The following ZFYVE16 variants were observed in gnomAD, a reference collection of about 807,000 sequenced individuals.
ZFYVE16 encodes zinc finger FYVE-type containing 16, also known as zinc finger FYVE domain-containing protein 16.
ZFYVE16 carries 89 observed loss-of-function variants against 138.1 expected under a neutral mutation model. The ratio of observed to expected loss-of-function variants is 0.64; its 90% CI spans 0.54 to 0.77. ZFYVE16 has a LOEUF of 0.77. Among genes scored for constraint, ZFYVE16 ranks in the 30% least tolerant of loss-of-function variants. The probability of loss-of-function intolerance (pLI) is 0.00; values close to 1 mark genes in which losing one functional copy is unlikely to be tolerated. For missense variants in ZFYVE16, 1,793 were observed against 1,786.7 expected (o/e 1.00, Z -0.06); for synonymous variants, 596 against 618.3 (o/e 0.96, Z 0.53).
chr5:80,439,015 A>T lies in ZFYVE16; in HGVS notation c.2322+8A>T. ...TGCCGAGCATGTGGGAAAGTAAGTTATAAAAATCTTTTAAGTCTTTTGTTC... is the reference window on the plus strand; with the variant it reads ...TGCCGAGCATGTGGGAAAGTAAGTTTTAAAAATCTTTTAAGTCTTTTGTTC... On this transcript the variant is annotated splice_region_variant and intron_variant, in intron 4 of 18. Transcript: ENST00000505560. The T allele has an allele frequency of 1.3e-6, 2 of 1,592,936 alleles. No individual in the cohort carries two copies. The highest frequency in any genetic ancestry group is 2.3e-5 in the South Asian group (2 of 88,134).
intron 1 of ZFYVE16, among the ~76,000 whole-genome samples, chr5:80,414,767 T>C (rs138144188): frequency 0.01 from 1,542 of 152,158 alleles, 26 homozygotes; most frequent in African/African-American, 0.034. Flanking sequence ...TACAAAACAT[T>C]GGGAGTTTGT....
intron 11 of ZFYVE16, chr5:80,452,397 G>T (rs1389984705): frequency 8.1e-6 from 1 of 123,456 alleles, no homozygotes; most frequent in Non-Finnish European, 1.6e-5. Context: ...TCATGCCTCT[G>T]CATTCCAGCC....
rs897371579 is a variant in ZFYVE16 at position 80,480,622 on chromosome 5, C to A, written c.*3245C>A. 6.6e-6 allele frequency among the ~76,000 whole-genome samples: 1 copy of A among 152,076 alleles called. No individual in the cohort carries two copies. Among genetic ancestry groups the A allele is most frequent in the African/African-American group, 2.4e-5 (1 of 41,410 alleles). ...TCCCAAACAGAATAAACTAGAAAAT[C>A]CACACATAGACACATAATAAGGCCA... On this transcript the variant is annotated 3_prime_UTR_variant, in exon 19 of 19. Coordinates refer to ENST00000505560, the MANE Select transcript of ZFYVE16 (RefSeq NM_001284236.3).
At chr5:80,426,218 G>A (rs1368868394) in intron 1 of ZFYVE16, among the ~76,000 whole-genome samples, 1 of 145,010 alleles carries the variant, frequency 6.9e-6, no homozygotes, top group Admixed American at 7.1e-5. Context: ...GTGTGTGTGT[G>A]TGTGTGTGTG....
intron 1 of ZFYVE16, among the ~76,000 whole-genome samples, chr5:80,422,890 G>T (rs1477243449): frequency 6.6e-6 from 1 of 152,180 alleles, no homozygotes; most frequent in Non-Finnish European, 1.5e-5. Flanking sequence ...TGGTCATGAT[G>T]TATAATTTTT....
chr5:80,439,223 A>G (rs746709064), intron 4 of ZFYVE16, among the ~76,000 whole-genome samples: 24 of 152,224 alleles, frequency 1.6e-4, no homozygotes, highest in Non-Finnish European at 2.9e-4. Flanking sequence ...CATTAAGTAC[A>G]TGCTGGGAAA....
intron 4 of ZFYVE16, 67 bp downstream of exon 4, chr5:80,439,074 G>A: frequency 1.4e-6 from 2 of 1,430,562 alleles, no homozygotes; most frequent in Non-Finnish European, 1.9e-6. Context: ...CAATGTGATA[G>A]AAAAGGCTGA....
chr5:80,474,744 A>T lies in ZFYVE16; in HGVS notation c.4375A>T (p.Ser1459Cys), dbSNP rs1246836024. The change falls in exon 18 of 19, where the codon AGT becomes TGT. Residue 1459 changes from serine (S) to cysteine (C), a missense_variant. This residue lies in a region of ZFYVE16 where 498 missense variants were observed against 582.4 expected (regional missense o/e 0.86). Transcript: ENST00000505560. ...TGCAAAAGAAATAGCCATGGCTTGT[A>T]GTGCTGCGCTGTGCCCTCACCTGAA... ...QFAKEIAMACSAALCPHLKTL... is the reference protein window; with the variant it reads ...QFAKEIAMACCAALCPHLKTL... 2 of 1,613,850 alleles carry T rather than the reference A, an allele frequency of 1.2e-6. No homozygotes were observed. The highest frequency in any genetic ancestry group is 1.7e-6 in the Non-Finnish European group (2 of 1,179,906).
chr5:80,442,964 A>T, intron 5 of ZFYVE16, 159 bp from the exon 6 acceptor site: 1 of 649,340 alleles, frequency 1.5e-6, no homozygotes, highest in Non-Finnish European at 2.5e-6. Flanking sequence ...TGTGCTGGCT[A>T]CTCAGACAGT....
At position 80,482,719 on chromosome 5, in the gene ZFYVE16, T is replaced by C. The variant is rs998495971; in HGVS notation, c.*5342T>C. 2.0e-5 allele frequency: 3 copies of C among 152,154 alleles called. No homozygotes were observed. Among genetic ancestry groups the C allele is most frequent in the African/African-American group, 7.2e-5 (3 of 41,448 alleles). 9.4% of individuals were successfully genotyped at this position (152,154 alleles called of 1,614,324 possible). On this transcript the variant is annotated 3_prime_UTR_variant, in exon 19 of 19. Coordinates refer to ENST00000505560, the MANE Select transcript of ZFYVE16 (RefSeq NM_001284236.3). The stretch of plus-strand genomic sequence containing the variant: ...TATATAGGAGAACCAAAGATTTCAG[T>C]GATGGCAGATTTCTCATCAGAAACC...
intron 2 of ZFYVE16, among the ~76,000 whole-genome samples, chr5:80,433,817 G>A (rs1215217647): frequency 6.6e-6 from 1 of 152,060 alleles, no homozygotes; most frequent in Admixed American, 6.6e-5. Context: ...GTATTTATAA[G>A]TAGTTTTAGC....
intron 2 of ZFYVE16, among the ~76,000 whole-genome samples, chr5:80,427,822 G>C (rs1748338307): frequency 6.6e-6 from 1 of 151,008 alleles, no homozygotes; most frequent in South Asian, 2.1e-4. Context: ...AGGTTCAAAA[G>C]TTAACTGAGC....
At chr5:80,411,894 C>G (rs1008042967) in intron 1 of ZFYVE16, 1 of 152,228 alleles carries the variant, frequency 6.6e-6, no homozygotes, top group Non-Finnish European at 1.5e-5. Context: ...AAACCTGGCA[C>G]TAATCCAGCT....
At chr5:80,433,648 T>C (rs1749445437) in intron 2 of ZFYVE16, among the ~76,000 whole-genome samples, 2 of 151,840 alleles carry the variant, frequency 1.3e-5, no homozygotes, top group Non-Finnish European at 2.9e-5. Context: ...ATGTAAACCC[T>C]GCTGAAAAAT....
intron 1 of ZFYVE16, among the ~76,000 whole-genome samples, chr5:80,412,910 C>T (rs1040814265): frequency 6.6e-6 from 1 of 152,212 alleles, no homozygotes; most frequent in African/African-American, 2.4e-5. Context: ...TGTGGTGGCT[C>T]ACGCCTGTAA....
At chr5:80,447,472 TG>T (rs1476175062) in intron 7 of ZFYVE16, among the ~76,000 whole-genome samples, 1 of 152,142 alleles carries the variant, frequency 6.6e-6, no homozygotes, top group Non-Finnish European at 1.5e-5. Context: ...TAGTAAATAT[TG>T]AGTTCATAAA....
intron 4 of ZFYVE16, 59 bp downstream of exon 4, chr5:80,439,066 A>G: frequency 2.7e-6 from 4 of 1,476,542 alleles, no homozygotes; most frequent in South Asian, 2.7e-5. Context: ...AACAAATACA[A>G]TGTGATAGAA....
chr5:80,475,494 C>T (rs1251886988), intron 18 of ZFYVE16, among the ~76,000 whole-genome samples: 1 of 152,178 alleles, frequency 6.6e-6, no homozygotes, highest in African/African-American at 2.4e-5. Flanking sequence ...AGTTCACCTT[C>T]ATACTTTTCT....
Position 80,480,312 on chromosome 5 carries a change from A to G in ZFYVE16, c.*2935A>G, listed in dbSNP as rs776184612. ...TATAAACATTACAAGAATATACATA[A>G]AAACTGCACTTTAAAACTCAGTAAA... On this transcript the variant is annotated 3_prime_UTR_variant, in exon 19 of 19. Transcript: ENST00000505560. 6.6e-6 allele frequency among the ~76,000 whole-genome samples: 1 copy of G among 152,220 alleles called. No individual in the cohort carries two copies. The highest frequency in any genetic ancestry group is 1.5e-5 in the Non-Finnish European group (1 of 68,040).
Sources: gnomAD v4.1 joint callset for allele counts (sites outside exome capture counted in the v4.1 genomes callset) on GRCh38, gnomAD v4.1.1 for gene constraint, gnomAD v4.1.1 regional missense constraint, MANE v1.5 for transcripts, NCBI Gene and HGNC (gene_info 2026-07-23, HGNC 2026-07-21) for gene names.